Variants in TDRD9 observed in about 807,000 individuals in gnomAD.
TDRD9 encodes the protein tudor domain containing 9, also known as ATP-dependent RNA helicase TDRD9.
In TDRD9, 124 loss-of-function variants were observed where a neutral mutation model predicts 172.6. That is an observed-to-expected ratio of 0.72 (90% CI 0.62 to 0.83). The LOEUF is 0.83. Ranked by LOEUF, TDRD9 falls within the 40% of genes least tolerant of loss-of-function variation. TDRD9 has a pLI of 0.00. For missense variants in TDRD9, 1,479 were observed against 1,714.1 expected, an observed-to-expected ratio of 0.86 and a Z score of 2.42; for synonymous variants, 619 against 617.1, an observed-to-expected ratio of 1.00 and a Z score of -0.05.
chr14:103,991,115 G>A (rs751734429), intron 8 of TDRD9, 45 bp from the exon 9 acceptor site: 3 of 1,610,044 alleles, frequency 1.9e-6, no homozygotes, highest in Non-Finnish European at 2.5e-6. Context: ...AGCAATAGCT[G>A]TTATTAGCCT....
intron 1 of TDRD9, among the ~76,000 whole-genome samples, chr14:103,929,288 C>G (rs1054990196): frequency 2.0e-5 from 3 of 152,114 alleles, no homozygotes; most frequent in African/African-American, 7.2e-5. Flanking sequence ...GATTTTTTTA[C>G]TGTCTCCATA....
chr14:104,046,545 T>C (rs1438296439), intron 34 of TDRD9, among the ~76,000 whole-genome samples: 1 of 152,244 alleles, frequency 6.6e-6, no homozygotes, highest in East Asian at 1.9e-4. Context: ...TAAAGATTTA[T>C]TACTGGGTTT....
intron 20 of TDRD9, 104 bp from the exon 21 acceptor site, chr14:104,014,621 G>A: frequency 1.6e-6 from 1 of 627,860 alleles, no homozygotes; most frequent in Non-Finnish European, 2.9e-6. Flanking sequence ...TCATTCTGTA[G>A]CTGTGTTTAT....
chr14:103,994,159 A>G (rs529052367), intron 9 of TDRD9, among the ~76,000 whole-genome samples, 173 bp from the exon 10 acceptor site: 18 of 152,344 alleles, frequency 1.2e-4, no homozygotes, highest in Admixed American at 8.5e-4. Context: ...CTACTAATCA[A>G]TGTCACTGTG....
rs552137399 is a variant in TDRD9, at chr14:103,944,917, T to G, written c.216-10747T>G. Among the ~76,000 whole-genome samples, 5 of 152,326 alleles carry G rather than the reference T, an allele frequency of 3.3e-5. No homozygotes were observed. In the South Asian group the frequency reaches 1.0e-3, roughly 32 times the overall value. On this transcript the variant is annotated intron_variant, in intron 1 of 35. Coordinates refer to ENST00000409874, the MANE Select transcript of TDRD9 (RefSeq NM_153046.3). The stretch of plus-strand genomic sequence containing the variant: ...AATTAGATCCTGCTGTGTCCTCTAC[T>G]GTAATTGCTGGCTTTCAGTCACTTA...
chr14:104,022,979 A>G (rs368099456), intron 24 of TDRD9, among the ~76,000 whole-genome samples: 53 of 151,956 alleles, frequency 3.5e-4, no homozygotes, highest in African/African-American at 1.2e-3. Flanking sequence ...CAGGAGTTCA[A>G]AACGAGCCTG....
At chr14:103,954,974 T>G (rs2032124971) in intron 1 of TDRD9, among the ~76,000 whole-genome samples, 1 of 151,828 alleles carries the variant, frequency 6.6e-6, no homozygotes, top group East Asian at 1.9e-4. Context: ...TTGCCTAGGC[T>G]GGAGTGCAGT....
intron 6 of TDRD9, among the ~76,000 whole-genome samples, chr14:103,972,230 C>T (rs1595932383): frequency 6.6e-6 from 1 of 151,810 alleles, no homozygotes; most frequent in African/African-American, 2.4e-5. Context: ...TTGCTTGAAG[C>T]CGGGAAGCGG....
At chr14:104,019,780 G>A (rs1275362321) in intron 23 of TDRD9, among the ~76,000 whole-genome samples, 10 of 152,224 alleles carry the variant, frequency 6.6e-5, no homozygotes, top group Non-Finnish European at 1.3e-4. Flanking sequence ...CTTCGTGGTA[G>A]GAGTGGAGAG....
chr14:103,943,230 A>G (rs1422259615), intron 1 of TDRD9, among the ~76,000 whole-genome samples: 5 of 151,990 alleles, frequency 3.3e-5, no homozygotes, highest in South Asian at 4.1e-4. Context: ...TCCTGGGCTC[A>G]AGTGATCCTC....
intron 2 of TDRD9, among the ~76,000 whole-genome samples, chr14:103,962,019 C>A (rs1241313276): frequency 1.3e-5 from 2 of 152,092 alleles, no homozygotes; most frequent in Non-Finnish European, 2.9e-5. Flanking sequence ...TATTTCCCAG[C>A]AAAAGTTTGT....
chr14:104,020,404 A>G (rs906449022), intron 23 of TDRD9, among the ~76,000 whole-genome samples: 1 of 152,166 alleles, frequency 6.6e-6, no homozygotes, highest in Admixed American at 6.5e-5. Flanking sequence ...GTGGGGGGCA[A>G]AGAAGTGAGA....
chr14:103,938,434 A>ATTTTTTTTTTTTT (rs1167863822), intron 1 of TDRD9, among the ~76,000 whole-genome samples: 1 of 34,922 alleles, frequency 2.9e-5, no homozygotes, highest in Admixed American at 5.3e-4. Context: ...ATATATATAT[A>ATTTTTTTTTTTTT]TATATATTTT....
chr14:104,001,082 C>T (rs2034244812), intron 13 of TDRD9, among the ~76,000 whole-genome samples: 1 of 152,152 alleles, frequency 6.6e-6, no homozygotes, highest in Non-Finnish European at 1.5e-5. Flanking sequence ...CACCTTGTTT[C>T]ACAATTTTAC....
rs563749246 is a variant in TDRD9 at position 104,004,091 on chromosome 14, G to A, written c.1484-147G>A. On this transcript the variant is annotated intron_variant, in intron 13 of 35. Transcript: ENST00000409874. The stretch of plus-strand genomic sequence containing the variant: ...AATAACTTATTAAGAATACACTAAT[G>A]TATTCTAAAGTTTTTACTGACATAG... 3.3e-3 allele frequency: 1,497 copies of A among 451,196 alleles called. 6 individuals carry two copies. The highest frequency in any genetic ancestry group is 0.01 in the South Asian group (171 of 16,512). The allele number at this position is 451,196 out of a possible 1,614,324, so 27.9% of individuals were successfully genotyped here.
At chr14:103,976,750 A>G (rs892851482) in intron 7 of TDRD9, among the ~76,000 whole-genome samples, 1 of 152,240 alleles carries the variant, frequency 6.6e-6, no homozygotes, top group Non-Finnish European at 1.5e-5. Flanking sequence ...AGGATCCTCC[A>G]TACTGTTTTC....
chr14:104,040,094 C>A, intron 32 of TDRD9, 102 bp from the exon 33 acceptor site: 1 of 1,118,068 alleles, frequency 8.9e-7, no homozygotes, highest in Non-Finnish European at 1.2e-6. Flanking sequence ...TGTACTAGGG[C>A]TGGCAGAATT....
At chr14:103,941,943 A>C (rs2031260598) in intron 1 of TDRD9, 7 of 512,570 alleles carry the variant, frequency 1.4e-5, no homozygotes, top group Non-Finnish European at 2.1e-5. Flanking sequence ...ACAAAGTCAG[A>C]GATAACATAT....
chr14:103,999,117 C>A (rs937858540), intron 13 of TDRD9, among the ~76,000 whole-genome samples: 20 of 152,264 alleles, frequency 1.3e-4, no homozygotes, highest in African/African-American at 4.6e-4. Context: ...CTAAAAAATT[C>A]ATTTTTTGCA....
Sources: allele counts gnomAD v4.1 joint callset (sites outside exome capture counted in the v4.1 genomes callset), GRCh38; gene constraint gnomAD v4.1.1; transcripts MANE v1.5; gene names NCBI Gene and HGNC (gene_info 2026-07-23, HGNC 2026-07-21).